UBQLN1: variants seen among roughly 807,000 people sequenced by gnomAD.
UBQLN1 encodes the protein ubiquilin 1, also known as ubiquilin-1.
A neutral mutation model predicts 65.4 loss-of-function variants in UBQLN1; 13 were observed. The ratio of observed to expected loss-of-function variants is 0.20; its 90% CI spans 0.13 to 0.32. The LOEUF is 0.32. Among genes scored for constraint, UBQLN1 ranks in the 10% least tolerant of loss-of-function variants. The probability of loss-of-function intolerance (pLI) is 1.00; values close to 1 mark genes in which losing one functional copy is unlikely to be tolerated. For missense variants in UBQLN1, 561 were observed against 724.0 expected, an observed-to-expected ratio of 0.77 and a Z score of 2.58; for synonymous variants, 267 against 247.8, an observed-to-expected ratio of 1.08 and a Z score of -0.73.
Position 83,677,630 on chromosome 9 carries a change from C to T in UBQLN1, c.1105+97G>A, listed in dbSNP as rs1012762018. ...TAGTTTATAAAAGATACTCACTATACATACACACAAAAGCACAAAGAATAA... is the reference window on the plus strand; with the variant it reads ...TAGTTTATAAAAGATACTCACTATATATACACACAAAAGCACAAAGAATAA... On this transcript the variant is annotated intron_variant, in intron 6 of 10. Transcript: ENST00000376395. 9.5e-6 allele frequency: 8 copies of T among 841,540 alleles called. No homozygotes were observed. In the South Asian group the frequency reaches 1.3e-4, roughly 14 times the overall value. 52.1% of individuals were successfully genotyped at this position (841,540 alleles called of 1,614,324 possible).
chr9:83,687,992 C>G (rs541382014), intron 1 of UBQLN1, among the ~76,000 whole-genome samples: 1 of 152,246 alleles, frequency 6.6e-6, no homozygotes, highest in Admixed American at 6.5e-5. Flanking sequence ...AACAGAAAAT[C>G]TTCACAGAAC....
intron 2 of UBQLN1, 38 bp downstream of exon 2, chr9:83,685,966 T>C: frequency 1.3e-6 from 2 of 1,551,000 alleles, no homozygotes; most frequent in Middle Eastern, 1.7e-4. Context: ...CGAACATTTA[T>C]CCACAATTTT....
chr9:83,702,173 C>G (rs769792540), intron 1 of UBQLN1, among the ~76,000 whole-genome samples: 1 of 152,158 alleles, frequency 6.6e-6, no homozygotes, highest in Non-Finnish European at 1.5e-5. Context: ...CGAAGGGCAA[C>G]TGCTAAAGGG....
At chr9:83,667,506 C>T in intron 7 of UBQLN1, 6 of 985,350 alleles carry the variant, frequency 6.1e-6, no homozygotes, top group Non-Finnish European at 7.2e-6. Flanking sequence ...TGTCAGACAA[C>T]CTTTCAGGAA....
Position 83,694,906 on chromosome 9 carries a change from C to T in UBQLN1, c.181-8751G>A, listed in dbSNP as rs376934483. On this transcript the variant is annotated intron_variant, in intron 1 of 10. Coordinates refer to ENST00000376395, the MANE Select transcript of UBQLN1 (RefSeq NM_013438.5). ...ATGATTAAAGCTCCTTACCCATCAT[C>T]AGATTTCTCCAATTCTAAGGTTCAT... Among the ~76,000 whole-genome samples, 55 of 152,278 alleles carry T rather than the reference C, an allele frequency of 3.6e-4. 2 individuals carry two copies. In the South Asian group the frequency reaches 0.011, roughly 30 times the overall value.
At chr9:83,665,326 T>G in intron 8 of UBQLN1, 181 bp from the exon 9 acceptor site, 1 of 466,182 alleles carries the variant, frequency 2.1e-6, no homozygotes, top group Non-Finnish European at 3.8e-6. Context: ...AAACCTAGTG[T>G]GCAAATTATT....
chr9:83,684,866 A>G (rs1359568038), intron 2 of UBQLN1, among the ~76,000 whole-genome samples: 4 of 65,220 alleles, frequency 6.1e-5, no homozygotes, highest in Admixed American at 4.9e-4. Flanking sequence ...ATGATACCAG[A>G]TAAGAGTTTT....
At chr9:83,678,409 C>G (rs371965529) in intron 5 of UBQLN1, 32 bp downstream of exon 5, 2 of 1,589,078 alleles carry the variant, frequency 1.3e-6, no homozygotes, top group African/African-American at 2.7e-5. Context: ...AGAAGCTACT[C>G]CTTGGCCTGA....
At chr9:83,676,472 C>T (rs963985805) in intron 6 of UBQLN1, among the ~76,000 whole-genome samples, 1 of 152,110 alleles carries the variant, frequency 6.6e-6, no homozygotes, top group Non-Finnish European at 1.5e-5. Context: ...AAAGTAAGAA[C>T]ATTGCAACCC....
chr9:83,700,355 T>C (rs1440148937), intron 1 of UBQLN1, among the ~76,000 whole-genome samples: 2 of 152,100 alleles, frequency 1.3e-5, no homozygotes, highest in Non-Finnish European at 2.9e-5. Flanking sequence ...ATGTACATAC[T>C]ACACTCAGTA....
chr9:83,689,317 C>T (rs1209959558), intron 1 of UBQLN1, among the ~76,000 whole-genome samples: 1 of 152,180 alleles, frequency 6.6e-6, no homozygotes, highest in Non-Finnish European at 1.5e-5. Flanking sequence ...ATCCACTCAT[C>T]AGGTGATGAG....
At chr9:83,679,639 G>A (rs1412255886) in intron 4 of UBQLN1, 136 bp downstream of exon 4, 9 of 921,192 alleles carry the variant, frequency 9.8e-6, no homozygotes, top group Non-Finnish European at 1.4e-5. Flanking sequence ...GCGCTTTGTT[G>A]AGTTTTCTTA....
chr9:83,677,992 A>C, intron 5 of UBQLN1, 31 bp from the exon 6 acceptor site: 1 of 1,505,592 alleles, frequency 6.6e-7, no homozygotes, highest in Non-Finnish European at 9.0e-7. Context: ...AATCACAAAG[A>C]ATAAGCTTTT....
chr9:83,679,474 C>T (rs556892638), intron 4 of UBQLN1, among the ~76,000 whole-genome samples: 1 of 152,296 alleles, frequency 6.6e-6, no homozygotes, highest in East Asian at 1.9e-4. Context: ...AAAAAAGCAA[C>T]TTAGCATTCA....
At chr9:83,671,873 T>A (rs1480756522) in intron 6 of UBQLN1, among the ~76,000 whole-genome samples, 1 of 152,212 alleles carries the variant, frequency 6.6e-6, no homozygotes, top group Admixed American at 6.5e-5. Context: ...CTAGATGATA[T>A]CTTCTTCCAA....
Position 83,669,287 on chromosome 9 carries a change from T to C in UBQLN1, c.1146A>G (p.Gln382=), listed in dbSNP as rs1387240506. 6.2e-7 allele frequency: 1 copy of C among 1,612,216 alleles called. No homozygotes were observed. Among genetic ancestry groups the C allele is most frequent in the Non-Finnish European group, 8.5e-7 (1 of 1,179,660 alleles). The change falls in exon 7 of 11, where the codon CAA becomes CAG. Residue 382 remains glutamine (Q), a synonymous_variant. Transcript: ENST00000376395. ...TCAGTTGTGGGTTTTCAGTTATTTG[T>C]TGCAACAAGCTCTGCATTCCTGGTG... ...FNTPGMQSLL[Q]QITENPQLMQ... is the part of the protein sequence containing the mutation.
chr9:83,671,965 A>G (rs1043106212), intron 6 of UBQLN1, among the ~76,000 whole-genome samples: 2 of 152,230 alleles, frequency 1.3e-5, no homozygotes, highest in African/African-American at 4.8e-5. Context: ...GATCTTCTGG[A>G]TAACTTGCTG....
chr9:83,704,091 T>C (rs957504254), intron 1 of UBQLN1, among the ~76,000 whole-genome samples: 1 of 152,226 alleles, frequency 6.6e-6, no homozygotes, highest in African/African-American at 2.4e-5. Context: ...TATTATCCTC[T>C]GGAGGTCTTC....
intron 2 of UBQLN1, among the ~76,000 whole-genome samples, chr9:83,685,326 A>G (rs1028909664): frequency 6.6e-6 from 1 of 152,220 alleles, no homozygotes; most frequent in Non-Finnish European, 1.5e-5. Context: ...ACTGTATGAA[A>G]AAATATGGAC....
Sources: gnomAD v4.1 joint callset for allele counts (sites outside exome capture counted in the v4.1 genomes callset) on GRCh38, gnomAD v4.1.1 for gene constraint, MANE v1.5 for transcripts, NCBI Gene and HGNC (gene_info 2026-07-23, HGNC 2026-07-21) for gene names.